The following NEGR1 variants were observed in gnomAD, a reference collection of about 807,000 sequenced individuals.
The protein encoded by NEGR1 is neuronal growth regulator 1, also known as IgLON family member 4.
In NEGR1, 10 loss-of-function variants were observed where a neutral mutation model predicts 40.9. That is an observed-to-expected ratio of 0.24 (90% CI 0.15 to 0.42). The LOEUF (loss-of-function observed/expected upper bound fraction) is 0.42. Ranked by LOEUF, NEGR1 falls within the 10% of genes least tolerant of loss-of-function variation. The probability of loss-of-function intolerance (pLI) is 1.00; values close to 1 mark genes in which losing one functional copy is unlikely to be tolerated. For synonymous variants in NEGR1, 185 were observed against 166.8 expected, an observed-to-expected ratio of 1.11 and a Z score of -0.84; for missense variants, 352 against 438.9, an observed-to-expected ratio of 0.80 and a Z score of 1.77.
chr1:71,959,249 T>C (rs1483913219), intron 1 of NEGR1, among the ~76,000 whole-genome samples: 1 of 152,138 alleles, frequency 6.6e-6, no homozygotes, highest in Non-Finnish European at 1.5e-5. Context: ...GAATTCCAGA[T>C]CCTTGGAGAC....
At chr1:71,465,320 T>A (rs1557535670) in intron 6 of NEGR1, among the ~76,000 whole-genome samples, 1 of 152,138 alleles carries the variant, frequency 6.6e-6, no homozygotes, top group Non-Finnish European at 1.5e-5. Flanking sequence ...AGCTTGCAGT[T>A]TTTTCTGAGT....
chr1:72,134,258 G>C (rs1168113139), intron 1 of NEGR1, among the ~76,000 whole-genome samples: 1 of 150,220 alleles, frequency 6.7e-6, no homozygotes, highest in Non-Finnish European at 1.5e-5. Context: ...GCCCAGGCTG[G>C]AGTGTGTCAC....
In NEGR1 at chr1:71,953,744, T is replaced by C. The variant is rs1646093489; in HGVS notation, c.177-18433A>G. ...CCACTCTGACCAGTCAGTAAGCCCTTCACAAACAGAACAAAGGACTTGTTG... is the reference window on the plus strand; with the variant it reads ...CCACTCTGACCAGTCAGTAAGCCCTCCACAAACAGAACAAAGGACTTGTTG... On this transcript the variant is annotated intron_variant, in intron 1 of 6. Transcript: ENST00000357731. Among the ~76,000 whole-genome samples the C allele has an allele frequency of 2.0e-5, 3 of 151,968 alleles. No individual in the cohort carries two copies. In the South Asian group the frequency reaches 6.2e-4, roughly 31 times the overall value.
chr1:72,276,233 C>T (rs1394028089), intron 1 of NEGR1, among the ~76,000 whole-genome samples: 1 of 152,066 alleles, frequency 6.6e-6, no homozygotes, highest in Non-Finnish European at 1.5e-5. Context: ...GAGACTAATT[C>T]CTACAACAGT....
intron 3 of NEGR1, among the ~76,000 whole-genome samples, chr1:71,735,958 C>T (rs796931860): frequency 6.6e-6 from 1 of 151,792 alleles, no homozygotes; most frequent in African/African-American, 2.4e-5. Context: ...AAGTCCTTAC[C>T]TTTTATTGAA....
intron 1 of NEGR1, among the ~76,000 whole-genome samples, chr1:72,008,206 T>TA: frequency 6.6e-6 from 1 of 152,262 alleles, no homozygotes; most frequent in Non-Finnish European, 1.5e-5. Context: ...AAATTGAGTA[T>TA]AGCAGTCATC....
At chr1:71,781,739 C>T (rs1656724737) in intron 2 of NEGR1, among the ~76,000 whole-genome samples, 1 of 152,252 alleles carries the variant, frequency 6.6e-6, no homozygotes, top group South Asian at 2.1e-4. Context: ...CCCTCTCATT[C>T]ATTCTCTGAA....
At chr1:72,268,597 T>C (rs539924546) in intron 1 of NEGR1, among the ~76,000 whole-genome samples, 52 of 151,370 alleles carry the variant, frequency 3.4e-4, no homozygotes, top group African/African-American at 1.2e-3. Flanking sequence ...GTGAATGAAC[T>C]CCTGAAATAA....
intron 3 of NEGR1, among the ~76,000 whole-genome samples, chr1:71,771,232 T>A (rs1464897849): frequency 1.3e-5 from 2 of 152,012 alleles, no homozygotes; most frequent in Non-Finnish European, 2.9e-5. Context: ...TTCTCACTCA[T>A]AAGTGGGAGT....
At chr1:72,174,776 A>G (rs566275712) in intron 1 of NEGR1, among the ~76,000 whole-genome samples, 12 of 152,172 alleles carry the variant, frequency 7.9e-5, no homozygotes, top group Non-Finnish European at 1.3e-4. Flanking sequence ...TTTAAAAAAA[A>G]TTTTCGGCTT....
At chr1:71,823,699 C>A (rs953046129) in intron 2 of NEGR1, among the ~76,000 whole-genome samples, 1 of 151,958 alleles carries the variant, frequency 6.6e-6, no homozygotes, top group Non-Finnish European at 1.5e-5. Context: ...TGTTTTGTTT[C>A]TTTTTCCATA....
intron 6 of NEGR1, among the ~76,000 whole-genome samples, chr1:71,543,609 C>T (rs1570009238): frequency 6.6e-6 from 1 of 151,676 alleles, no homozygotes. Context: ...CCTAATTGCA[C>T]AATTCACTGT....
chr1:72,116,622 C>A (rs540684281), intron 1 of NEGR1, among the ~76,000 whole-genome samples: 8 of 151,744 alleles, frequency 5.3e-5, no homozygotes, highest in African/African-American at 1.9e-4. Context: ...ATGATTTCCA[C>A]CCTCTCCCCC....
intron 2 of NEGR1, among the ~76,000 whole-genome samples, chr1:71,839,882 A>T (rs938776937): frequency 1.3e-5 from 2 of 152,124 alleles, no homozygotes; most frequent in Non-Finnish European, 2.9e-5. Flanking sequence ...GACATGCTGA[A>T]ACTCGAGTTA....
At chr1:72,125,915 T>C (rs1277642808) in intron 1 of NEGR1, among the ~76,000 whole-genome samples, 1 of 152,174 alleles carries the variant, frequency 6.6e-6, no homozygotes, top group Non-Finnish European at 1.5e-5. Context: ...GTGTCCAGAC[T>C]CTCAGTCTAG....
chr1:71,529,568 A>C (rs1157685043), intron 6 of NEGR1, among the ~76,000 whole-genome samples: 1 of 151,228 alleles, frequency 6.6e-6, no homozygotes, highest in African/African-American at 2.4e-5. Flanking sequence ...GTCCAACATA[A>C]ATATTAAAAT....
chr1:72,188,958 T>C lies in NEGR1; in HGVS notation c.176+93361A>G, dbSNP rs375751129. On this transcript the variant is annotated intron_variant, in intron 1 of 6. Transcript: ENST00000357731. ...TCTTCAATATCTATTCTTATATCCA[T>C]AAATATATGCCCATTAGGAAGAATC... Among the ~76,000 whole-genome samples, 6 of 151,644 alleles carry C rather than the reference T, an allele frequency of 4.0e-5. No homozygotes were observed. In the East Asian group the frequency reaches 9.7e-4, roughly 25 times the overall value.
chr1:71,837,140 T>C (rs1659064703), intron 2 of NEGR1: 2 of 152,134 alleles, frequency 1.3e-5, no homozygotes, highest in Admixed American at 6.6e-5. Flanking sequence ...ACTCCATGAT[T>C]AGCAATTCCA....
At chr1:71,478,573 G>A (rs188371471) in intron 6 of NEGR1, among the ~76,000 whole-genome samples, 3 of 152,032 alleles carry the variant, frequency 2.0e-5, no homozygotes, top group African/African-American at 7.2e-5. Flanking sequence ...TCTTAGTTTG[G>A]GTAGGAATGG....
Sources: allele counts gnomAD v4.1 joint callset (sites outside exome capture counted in the v4.1 genomes callset), GRCh38; gene constraint gnomAD v4.1.1; transcripts MANE v1.5; gene names NCBI Gene and HGNC (gene_info 2026-07-23, HGNC 2026-07-21).